TFPI: variants seen among roughly 807,000 people sequenced by gnomAD.
TFPI encodes the protein tissue factor pathway inhibitor.
In TFPI, 15 loss-of-function variants were observed where a neutral mutation model predicts 34.6. That is an observed-to-expected ratio of 0.43 (90% CI 0.29 to 0.67). The LOEUF is 0.67. Among genes scored for constraint, TFPI ranks in the 30% least tolerant of loss-of-function variants. The probability of loss-of-function intolerance (pLI) is 0.15; values close to 1 mark genes in which losing one functional copy is unlikely to be tolerated. For synonymous variants in TFPI, 105 were observed against 120.1 expected (o/e 0.87, Z 0.82); for missense variants, 301 against 364.0 (o/e 0.83, Z 1.41).
At chr2:187,480,812 T>G (rs942489692) in intron 6 of TFPI, among the ~76,000 whole-genome samples, 4 of 152,134 alleles carry the variant, frequency 2.6e-5, no homozygotes, top group African/African-American at 9.7e-5. Flanking sequence ...AAGACTGTCT[T>G]TGAGATTACC....
intron 6 of TFPI, among the ~76,000 whole-genome samples, chr2:187,472,560 A>T (rs973042849): frequency 6.6e-6 from 1 of 152,172 alleles, no homozygotes; most frequent in Non-Finnish European, 1.5e-5. Context: ...CTCCTATTCA[A>T]CACTTTTTTC....
At chr2:187,511,020 GC>G (rs1420208666) in intron 1 of TFPI, among the ~76,000 whole-genome samples, 4 of 152,166 alleles carry the variant, frequency 2.6e-5, no homozygotes, top group Non-Finnish European at 5.9e-5. Flanking sequence ...GGCAGCTTAG[GC>G]CTGCCTTGTG....
rs1691673071 is a variant in TFPI at position 187,465,494 on chromosome 2, A to AAAAAAAAAAAACAAAAAAAAAAAAAAAG, written c.*1441_*1442insCTTTTTTTTTTTTTTTGTTTTTTTTTTT. 1.5e-5 allele frequency: 1 copy of AAAAAAAAAAAACAAAAAAAAAAAAAAAG among 67,220 alleles called. No individual in the cohort carries two copies. Among genetic ancestry groups the AAAAAAAAAAAACAAAAAAAAAAAAAAAG allele is most frequent in the African/African-American group, 6.6e-5 (1 of 15,176 alleles). 4.2% of individuals were successfully genotyped at this position (67,220 alleles called of 1,614,324 possible). A position where few individuals can be genotyped will look rare whatever the true frequency, so the allele number is the denominator to read the frequency against. Reference sequence around the variant, plus strand: ...AACATAACAAAACAAAACAAAATGAAAAAAAAAAAAAAACAAGAAAAAAGA... The same window carrying AAAAAAAAAAAACAAAAAAAAAAAAAAAG: ...AACATAACAAAACAAAACAAAATGAAAAAAAAAAAAACAAAAAAAAAAAAAAAGAAAAAAAAAAAAACAAGAAAAAAGA... On this transcript the variant is annotated 3_prime_UTR_variant, in exon 8 of 8. Transcript: ENST00000233156.
intron 3 of TFPI, among the ~76,000 whole-genome samples, chr2:187,495,283 A>C (rs1314325543): frequency 6.6e-6 from 1 of 152,222 alleles, no homozygotes; most frequent in African/African-American, 2.4e-5. Flanking sequence ...CTGCTAAATG[A>C]AAGAGTGGGG....
chr2:187,500,102 T>C (rs1163656829), intron 2 of TFPI, among the ~76,000 whole-genome samples: 1 of 152,210 alleles, frequency 6.6e-6, no homozygotes, highest in Non-Finnish European at 1.5e-5. Context: ...TCACCTCTAG[T>C]TCAATCTGCT....
chr2:187,471,877 A>G (rs1692057125), intron 6 of TFPI, among the ~76,000 whole-genome samples: 1 of 152,050 alleles, frequency 6.6e-6, no homozygotes, highest in Non-Finnish European at 1.5e-5. Context: ...TTACTAAACA[A>G]ACTAGGTTTT....
chr2:187,474,296 G>A (rs1282688970), intron 6 of TFPI, among the ~76,000 whole-genome samples: 5 of 152,090 alleles, frequency 3.3e-5, no homozygotes, highest in Admixed American at 3.3e-4. Context: ...ATACAGAGAA[G>A]CATATGGGTG....
intron 1 of TFPI, chr2:187,519,100 A>C (rs1687200089): frequency 6.6e-6 from 1 of 152,122 alleles, no homozygotes. Context: ...ATGCTCCCTT[A>C]GCTTGGAGGA....
intron 6 of TFPI, among the ~76,000 whole-genome samples, chr2:187,469,464 G>A (rs1271638051): frequency 1.3e-5 from 2 of 152,006 alleles, no homozygotes; most frequent in African/African-American, 2.4e-5. Context: ...ATTATAGTGC[G>A]TGATTTTTAA....
intron 4 of TFPI, among the ~76,000 whole-genome samples, chr2:187,487,479 A>G (rs2106028603): frequency 6.6e-6 from 1 of 151,566 alleles, no homozygotes; most frequent in South Asian, 2.1e-4. Flanking sequence ...AATAAATCAA[A>G]ATAAATAAAA....
At chr2:187,552,005 A>G (rs897124612) in intron 1 of TFPI, among the ~76,000 whole-genome samples, 3 of 152,142 alleles carry the variant, frequency 2.0e-5, no homozygotes, top group Non-Finnish European at 4.4e-5. Flanking sequence ...AATTGATGAT[A>G]TAATTAACCC....
At chr2:187,537,184 C>G (rs1381233356) in intron 1 of TFPI, among the ~76,000 whole-genome samples, 1 of 152,184 alleles carries the variant, frequency 6.6e-6, no homozygotes, top group Non-Finnish European at 1.5e-5. Flanking sequence ...AGATTCAATG[C>G]TATCCCCATC....
intron 6 of TFPI, among the ~76,000 whole-genome samples, chr2:187,470,439 A>T (rs997361109): frequency 1.3e-5 from 2 of 152,186 alleles, no homozygotes; most frequent in Non-Finnish European, 2.9e-5. Flanking sequence ...AGGCTAGTAC[A>T]TATGGGGCTA....
chr2:187,500,380 G>T (rs984408448), intron 2 of TFPI, among the ~76,000 whole-genome samples: 1 of 152,062 alleles, frequency 6.6e-6, no homozygotes, highest in East Asian at 1.9e-4. Context: ...GTTTAAAATT[G>T]ATCCTCATAT....
chr2:187,508,707 T>C (rs1686403799), intron 1 of TFPI, among the ~76,000 whole-genome samples: 1 of 152,182 alleles, frequency 6.6e-6, no homozygotes, highest in Non-Finnish European at 1.5e-5. Flanking sequence ...CTGAGAAGAC[T>C]GGTTTTTTAA....
intron 2 of TFPI, among the ~76,000 whole-genome samples, chr2:187,500,679 C>A (rs1302111518): frequency 6.6e-6 from 1 of 152,074 alleles, no homozygotes; most frequent in Non-Finnish European, 1.5e-5. Flanking sequence ...TCTTTATTCA[C>A]ACTTTAATGT....
At chr2:187,503,876 AT>A in intron 1 of TFPI, 106 bp from the exon 2 acceptor site, 1 of 1,225,888 alleles carries the variant, frequency 8.2e-7, no homozygotes, top group Non-Finnish European at 1.1e-6. Flanking sequence ...TTTCTATGCC[AT>A]TTTATGTGTA....
chr2:187,512,420 A>G (rs958381275), intron 1 of TFPI, among the ~76,000 whole-genome samples: 5 of 152,036 alleles, frequency 3.3e-5, no homozygotes, highest in Non-Finnish European at 5.9e-5. Flanking sequence ...GTTTCCTAAC[A>G]GGGGATTTAA....
intron 1 of TFPI, chr2:187,514,478 C>T (rs1032608601): frequency 2.0e-5 from 3 of 152,258 alleles, no homozygotes; most frequent in Non-Finnish European, 2.9e-5. Flanking sequence ...ATCCCGCTTC[C>T]GTCTTCCAAC....
Sources: allele counts gnomAD v4.1 joint callset (sites outside exome capture counted in the v4.1 genomes callset), GRCh38; gene constraint gnomAD v4.1.1; transcripts MANE v1.5; gene names NCBI Gene and HGNC (gene_info 2026-07-23, HGNC 2026-07-21).